The following MTMR2 variants were observed in gnomAD, a reference collection of about 807,000 sequenced individuals.
MTMR2 encodes the protein myotubularin related protein 2, also known as phosphatidylinositol-3,5-bisphosphate 3-phosphatase MTMR2.
A neutral mutation model predicts 86.9 loss-of-function variants in MTMR2; 55 were observed. The observed-to-expected ratio is 0.63, with a 90% CI of 0.51 to 0.79. MTMR2 has a LOEUF of 0.79. MTMR2 is among the 30% of genes least tolerant of loss of function. The pLI is 0.00. For synonymous variants in MTMR2, 241 were observed against 266.8 expected, an observed-to-expected ratio of 0.90 and a Z score of 0.94; for missense variants, 659 against 772.3, an observed-to-expected ratio of 0.85 and a Z score of 1.74.
intron 2 of MTMR2, among the ~76,000 whole-genome samples, chr11:95,878,967 A>T (rs571523201): frequency 6.6e-6 from 1 of 152,310 alleles, no homozygotes; most frequent in African/African-American, 2.4e-5. Flanking sequence ...GATAAGTAGT[A>T]TTCATATGCC....
intron 1 of MTMR2, among the ~76,000 whole-genome samples, chr11:95,902,866 C>T (rs1866122550): frequency 6.6e-6 from 1 of 152,150 alleles, no homozygotes. Context: ...TCTCTAAAAA[C>T]CCCAAGTATT....
intron 2 of MTMR2, among the ~76,000 whole-genome samples, chr11:95,875,878 T>A (rs893257446): frequency 1.3e-5 from 2 of 152,220 alleles, no homozygotes; most frequent in Non-Finnish European, 2.9e-5. Flanking sequence ...TAGACCCTCT[T>A]TGCCTGGGTA....
At chr11:95,880,176 A>G (rs1865271535) in intron 2 of MTMR2, among the ~76,000 whole-genome samples, 1 of 152,044 alleles carries the variant, frequency 6.6e-6, no homozygotes, top group Non-Finnish European at 1.5e-5. Flanking sequence ...GAACTGAGGT[A>G]AACAGGCCTT....
chr11:95,840,263 C>T (rs1441217630), intron 12 of MTMR2: 1 of 152,098 alleles, frequency 6.6e-6, no homozygotes, highest in Non-Finnish European at 1.5e-5. Context: ...TCAACAATAC[C>T]ACAGTTTCAA....
intron 3 of MTMR2, among the ~76,000 whole-genome samples, chr11:95,864,846 G>A (rs562069877): frequency 6.6e-6 from 1 of 150,656 alleles, no homozygotes; most frequent in South Asian, 2.1e-4. Flanking sequence ...GTAAAATTCA[G>A]CATTTTTAAA....
chr11:95,910,744 TAA>T (rs1866470489), intron 1 of MTMR2, among the ~76,000 whole-genome samples: 6 of 152,258 alleles, frequency 3.9e-5, no homozygotes, highest in Admixed American at 2.6e-4. Context: ...CCAAGAACAT[TAA>T]AGCATGCCTT....
At chr11:95,879,363 T>C (rs1028411631) in intron 2 of MTMR2, among the ~76,000 whole-genome samples, 1 of 152,172 alleles carries the variant, frequency 6.6e-6, no homozygotes, top group African/African-American at 2.4e-5. Flanking sequence ...TCACCAGATT[T>C]GAAACCTGGA....
chr11:95,858,847 G>A (rs938026856), intron 5 of MTMR2, among the ~76,000 whole-genome samples: 4 of 152,140 alleles, frequency 2.6e-5, no homozygotes, highest in African/African-American at 9.7e-5. Flanking sequence ...GCAGAATTCA[G>A]AGGGCAGGAA....
chr11:95,900,723 G>T (rs2135579228), intron 1 of MTMR2, among the ~76,000 whole-genome samples: 1 of 152,068 alleles, frequency 6.6e-6, no homozygotes, highest in Non-Finnish European at 1.5e-5. Context: ...GTGTGCATGT[G>T]CGTGTGCACG....
At chr11:95,912,217 T>C (rs1190018473) in intron 1 of MTMR2, among the ~76,000 whole-genome samples, 2 of 151,884 alleles carry the variant, frequency 1.3e-5, no homozygotes, top group African/African-American at 2.4e-5. Context: ...CAGTGATCCA[T>C]GCCTGCCAAG....
intron 3 of MTMR2, among the ~76,000 whole-genome samples, chr11:95,863,318 A>G (rs2135478653): frequency 6.6e-6 from 1 of 152,240 alleles, no homozygotes; most frequent in South Asian, 2.1e-4. Context: ...AGGTATTACA[A>G]CCTCCTGACT....
chr11:95,874,964 A>C (rs1450252027), intron 2 of MTMR2, among the ~76,000 whole-genome samples: 3 of 151,954 alleles, frequency 2.0e-5, no homozygotes, highest in Non-Finnish European at 4.4e-5. Flanking sequence ...CCGAGAGATC[A>C]GCTGTTAGTC....
chr11:95,861,926 C>A, intron 5 of MTMR2, 66 bp downstream of exon 5: 1 of 1,150,234 alleles, frequency 8.7e-7, no homozygotes, highest in Non-Finnish European at 1.3e-6. Flanking sequence ...AATTTCAAAA[C>A]AGAGGTTCTA....
In MTMR2 at chr11:95,888,231, C is replaced by T. The variant is rs1036796265; in HGVS notation, c.111G>A (p.Val37=). The T allele has an allele frequency of 1.2e-6, 2 of 1,613,418 alleles. No individual in the cohort carries two copies. Among genetic ancestry groups the T allele is most frequent in the African/African-American group, 1.3e-5 (1 of 75,012 alleles). ...SASTSHSENS[V]HTKSASVVSS... ...ATACAACAGAAGCTGATTTTGTATGCACTGAATTCTCTGAATGAGAAGTGG... is the reference window on the plus strand; with the variant it reads ...ATACAACAGAAGCTGATTTTGTATGTACTGAATTCTCTGAATGAGAAGTGG... The change falls in exon 2 of 15, where the codon GTG becomes GTA. Residue 37 remains valine, a synonymous_variant. Coordinates refer to ENST00000346299, the MANE Select transcript of MTMR2 (RefSeq NM_016156.6).
At position 95,898,413 on chromosome 11, in the gene MTMR2, C is replaced by A. The variant is rs576072424; in HGVS notation, c.81-10152G>T. On this transcript the variant is annotated intron_variant, in intron 1 of 14. Transcript: ENST00000346299. ...ATGTAAGATACTACTCATCTAGGAA[C>A]CCCTAGAAATACAGAGATAAATATG... Among the ~76,000 whole-genome samples, 220 of 152,094 alleles carry A rather than the reference C, an allele frequency of 1.4e-3. 1 individual carries two copies. Among genetic ancestry groups the A allele is most frequent in the Non-Finnish European group, 2.4e-3 (164 of 67,988 alleles).
intron 2 of MTMR2, among the ~76,000 whole-genome samples, chr11:95,867,477 A>G (rs1459808455): frequency 6.6e-6 from 1 of 152,192 alleles, no homozygotes; most frequent in East Asian, 1.9e-4. Flanking sequence ...AGGAAAACTC[A>G]TGCAAGCAGC....
At chr11:95,845,483 CCAT>C (rs1863748271) in intron 10 of MTMR2, among the ~76,000 whole-genome samples, 1 of 152,090 alleles carries the variant, frequency 6.6e-6, no homozygotes, top group African/African-American at 2.4e-5. Context: ...ATCAAATATT[CCAT>C]CATCTATTTA....
intron 1 of MTMR2, among the ~76,000 whole-genome samples, chr11:95,900,993 T>C (rs1866055601): frequency 6.6e-6 from 1 of 152,192 alleles, no homozygotes; most frequent in Non-Finnish European, 1.5e-5. Context: ...TGGAATTCTT[T>C]GCTCTCTAAG....
chr11:95,853,165 T>C (rs1452363566), intron 7 of MTMR2, among the ~76,000 whole-genome samples: 2 of 151,106 alleles, frequency 1.3e-5, no homozygotes, highest in African/African-American at 4.9e-5. Context: ...TCACATGCTG[T>C]ACTAAAAAGT....
Sources: gnomAD v4.1 joint callset for allele counts (sites outside exome capture counted in the v4.1 genomes callset) on GRCh38, gnomAD v4.1.1 for gene constraint, MANE v1.5 for transcripts, NCBI Gene and HGNC (gene_info 2026-07-23, HGNC 2026-07-21) for gene names.